NEIL3: variants seen among roughly 807,000 people sequenced by gnomAD.
The protein encoded by NEIL3 is nei like DNA glycosylase 3.
Under a neutral mutation model 57.5 loss-of-function variants are expected in NEIL3, and 48 were observed. The ratio of observed to expected loss-of-function variants is 0.83; its 90% confidence interval spans 0.66 to 1.06. The LOEUF is 1.06. Ranked by LOEUF, NEIL3 falls within the 50% of genes least tolerant of loss-of-function variation. NEIL3 has a pLI of 0.00. For synonymous variants in NEIL3, 261 were observed against 253.2 expected, an observed-to-expected ratio of 1.03 and a Z score of -0.29; for missense variants, 717 against 739.1, an observed-to-expected ratio of 0.97 and a Z score of 0.35.
intron 7 of NEIL3, among the ~76,000 whole-genome samples, chr4:177,352,705 C>T (rs2110930809): frequency 6.6e-6 from 1 of 152,044 alleles, no homozygotes; most frequent in South Asian, 2.1e-4. Flanking sequence ...TGGCGGGTGC[C>T]CGTAATCCCA....
intron 1 of NEIL3, 140 bp from the exon 2 acceptor site, chr4:177,322,319 C>A (rs570213235): frequency 6.9e-6 from 8 of 1,164,920 alleles, no homozygotes; most frequent in Non-Finnish European, 9.8e-6. Flanking sequence ...GATTACATTA[C>A]ATGACTTGTT....
At chr4:177,370,660 G>T in the NEIL3 span, among the ~76,000 whole-genome samples, 1 of 152,196 alleles carries the variant, frequency 6.6e-6, no homozygotes, top group Non-Finnish European at 1.5e-5. Flanking sequence ...CAGCATGCTG[G>T]GAGGCCGAAG....
At chr4:177,365,495 G>A (rs1312586760), downstream of NEIL3, among the ~76,000 whole-genome samples, 1 of 152,112 alleles carries the variant, frequency 6.6e-6, no homozygotes, top group Non-Finnish European at 1.5e-5. Context: ...TATTCTGTGA[G>A]TTAACTCATC....
In NEIL3 at chr4:177,310,080, G is replaced by C. The variant is rs1262043356; in HGVS notation, c.127G>C (p.Ala43Pro). 6.3e-7 allele frequency: 1 copy of C among 1,595,616 alleles called. No individual in the cohort carries two copies. The highest frequency in any genetic ancestry group is 1.7e-5 in the Admixed American group (1 of 57,586). The change falls in exon 1 of 10, where the codon GCA becomes CCA. Residue 43 changes from alanine (A) to proline (P), a missense_variant. Coordinates refer to ENST00000264596, the MANE Select transcript of NEIL3 (RefSeq NM_018248.3). ...TCTGCAGGGCCGCGCCTTGCGGCTC[G>C]CAGCCTCCACGGTTGTGGTCTCCCC... ...RSLQGRALRL[A>P]ASTVVVSPQA...
chr4:177,361,035 C>A (rs894714727), intron 9 of NEIL3, among the ~76,000 whole-genome samples: 6 of 152,160 alleles, frequency 3.9e-5, no homozygotes, highest in African/African-American at 1.4e-4. Flanking sequence ...AACTTCAGCG[C>A]TACATCAAAA....
At chr4:177,319,097 G>T (rs1368862092) in intron 1 of NEIL3, among the ~76,000 whole-genome samples, 1 of 152,174 alleles carries the variant, frequency 6.6e-6, no homozygotes, top group Non-Finnish European at 1.5e-5. Context: ...GTAAGTTCTT[G>T]TCAAAGCTGT....
intron 4 of NEIL3, among the ~76,000 whole-genome samples, chr4:177,338,030 A>T (rs1423362571): frequency 6.6e-6 from 1 of 151,424 alleles, no homozygotes; most frequent in African/African-American, 2.4e-5. Context: ...TCTCTCACAC[A>T]CACACACACA....
At chr4:177,358,963 A>G (rs1005327633) in intron 8 of NEIL3, among the ~76,000 whole-genome samples, 13 of 152,240 alleles carry the variant, frequency 8.5e-5, no homozygotes, top group African/African-American at 2.9e-4. Flanking sequence ...TTAAGAGAGC[A>G]TTGTTTATGA....
intron 1 of NEIL3, among the ~76,000 whole-genome samples, chr4:177,311,753 G>C (rs548825850): frequency 6.6e-6 from 1 of 150,452 alleles, no homozygotes; most frequent in African/African-American, 2.4e-5. Flanking sequence ...ACAGGAAAAA[G>C]ACTGAAAGAA....
Position 177,310,112 on chromosome 4 carries a change from G to C in NEIL3, c.156+3G>C. The C allele has an allele frequency of 6.4e-7, 1 of 1,567,602 alleles. No individual in the cohort carries two copies. Among genetic ancestry groups the C allele is most frequent in the South Asian group, 1.2e-5 (1 of 85,148 alleles). On this transcript the variant is annotated splice_donor_region_variant and intron_variant, in intron 1 of 9. Transcript: ENST00000264596. ...CCACGGTTGTGGTCTCCCCGCAGGT[G>C]AGCTACTCCTGTAACAGGCCATGCA...
intron 1 of NEIL3, among the ~76,000 whole-genome samples, chr4:177,320,405 A>T (rs987733456): frequency 2.0e-5 from 3 of 150,554 alleles, no homozygotes; most frequent in Non-Finnish European, 4.4e-5. Flanking sequence ...GGTGGCATAT[A>T]CCTACAGTCT....
At position 177,341,424 on chromosome 4, in the gene NEIL3, T is replaced by C. The variant is rs148011558; in HGVS notation, c.703-52T>C. On this transcript the variant is annotated intron_variant, in intron 5 of 9. Coordinates refer to ENST00000264596, the MANE Select transcript of NEIL3 (RefSeq NM_018248.3). ...TTTCGAGAATGTGTCTTTGGCTCCT[T>C]GGCAGCACTGTTTTGTGGATAACAG... is the stretch of plus-strand genomic sequence containing the variant. The C allele has an allele frequency of 3.4e-6, 5 of 1,479,092 alleles. No individual in the cohort carries two copies. In the African/African-American group the frequency reaches 5.7e-5, roughly 17 times the overall value. The allele number at this position is 1,479,092 out of a possible 1,614,324, so 91.6% of individuals were successfully genotyped here. A position where few individuals can be genotyped will look rare whatever the true frequency, so the allele number is the denominator to read the frequency against.
downstream of NEIL3, among the ~76,000 whole-genome samples, chr4:177,363,908 G>A (rs951872273): frequency 2.6e-5 from 4 of 152,038 alleles, no homozygotes; most frequent in Non-Finnish European, 4.4e-5. Context: ...GTGCCAGCAC[G>A]CCGGGCTAAT....
At chr4:177,351,669 G>A in intron 7 of NEIL3, 120 bp downstream of exon 7, 1 of 842,162 alleles carries the variant, frequency 1.2e-6, no homozygotes, top group Non-Finnish European at 1.8e-6. Context: ...CTTTCTCAAA[G>A]GTTTAAAGGA....
chr4:177,360,750 ATACTTTCCTAGTTT>A (rs1735592617), intron 9 of NEIL3, 73 bp downstream of exon 9: 1 of 1,170,896 alleles, frequency 8.5e-7, no homozygotes, highest in Non-Finnish European at 1.2e-6. Context: ...ACAAATAGCA[ATACTTTCCTAGTTT>A]TACCTTTTAC....
At chr4:177,343,365 G>C (rs1703543544) in intron 6 of NEIL3, 1 of 152,236 alleles carries the variant, frequency 6.6e-6, no homozygotes, top group South Asian at 2.1e-4. Flanking sequence ...ATGAGCCAAG[G>C]TCTGAGCTTC....
At chr4:177,316,910 G>T (rs1258620845) in intron 1 of NEIL3, among the ~76,000 whole-genome samples, 1 of 152,124 alleles carries the variant, frequency 6.6e-6, no homozygotes, top group Admixed American at 6.5e-5. Context: ...TAGGCCCAGA[G>T]AGAATTACAG....
chr4:177,318,054 C>A (rs1251404919), intron 1 of NEIL3, among the ~76,000 whole-genome samples: 1 of 152,174 alleles, frequency 6.6e-6, no homozygotes, highest in Non-Finnish European at 1.5e-5. Flanking sequence ...AGGGACGTTT[C>A]AGCCGTTCTT....
intron 1 of NEIL3, 36 bp from the exon 2 acceptor site, chr4:177,322,423 G>T (rs373232589): frequency 1.9e-6 from 3 of 1,612,928 alleles, no homozygotes; most frequent in South Asian, 1.1e-5. Flanking sequence ...GTTTGTGTGT[G>T]TGTGTGCTTA....
Sources: allele counts gnomAD v4.1 joint callset (sites outside exome capture counted in the v4.1 genomes callset), GRCh38; gene constraint gnomAD v4.1.1; transcripts MANE v1.5; gene names NCBI Gene and HGNC (gene_info 2026-07-23, HGNC 2026-07-21).